ABCA13: variants seen among roughly 807,000 people sequenced by gnomAD.
The protein encoded by ABCA13 is ATP binding cassette subfamily A member 13, also known as ATP-binding cassette sub-family A member 13.
ABCA13 carries 476 observed loss-of-function variants against 478.7 expected under a neutral mutation model. The observed-to-expected ratio is 0.99, with a 90% CI of 0.92 to 1.07. ABCA13 has a LOEUF of 1.07. Among genes scored for constraint, ABCA13 ranks in the 50% least tolerant of loss-of-function variants. The pLI, the probability that ABCA13 is intolerant of heterozygous loss-of-function variation, is 0.00. For synonymous variants in ABCA13, 2,252 were observed against 2,158.9 expected (o/e 1.04, Z -1.20); for missense variants, 6,060 against 5,910.6 (o/e 1.03, Z -0.83).
At chr7:48,251,566 C>G (rs1792561726) in intron 15 of ABCA13, among the ~76,000 whole-genome samples, 2 of 152,012 alleles carry the variant, frequency 1.3e-5, no homozygotes, top group Admixed American at 1.3e-4. Flanking sequence ...TTGGACAGAC[C>G]CTTGCTGGGG....
At position 48,225,100 on chromosome 7, in the gene ABCA13, C is replaced by G. The variant is rs550251621; in HGVS notation, c.469-2162C>G. 5.3e-4 allele frequency among the ~76,000 whole-genome samples: 80 copies of G among 151,568 alleles called. No homozygotes were observed. The South Asian group carries it at 0.016, about 31-fold the overall frequency. ...TACTGGGATTATAGGCGTTAATCACCATGCGTGCGTGCCTGCCTGCCTGCC... is the reference window on the plus strand; with the variant it reads ...TACTGGGATTATAGGCGTTAATCACGATGCGTGCGTGCCTGCCTGCCTGCC... On this transcript the variant is annotated intron_variant, in intron 5 of 61. Transcript: ENST00000435803.
At chr7:48,487,970 A>G (rs573044484) in intron 47 of ABCA13, among the ~76,000 whole-genome samples, 2 of 152,190 alleles carry the variant, frequency 1.3e-5, no homozygotes, top group Non-Finnish European at 2.9e-5. Context: ...ATGTTGCTGT[A>G]GTTTTTTTGT....
chr7:48,349,188 G>A (rs1320150067), intron 29 of ABCA13, among the ~76,000 whole-genome samples: 2 of 152,172 alleles, frequency 1.3e-5, no homozygotes, highest in Non-Finnish European at 2.9e-5. Context: ...TAGATATTTA[G>A]CAAAAGCTTA....
chr7:48,489,472 A>G (rs1157801356), intron 48 of ABCA13, 128 bp downstream of exon 48: 9 of 726,294 alleles, frequency 1.2e-5, no homozygotes, highest in Middle Eastern at 2.5e-4. Context: ...TTGGCAACCA[A>G]TCCGTGTCTA....
At chr7:48,609,225 T>A (rs1006196686) in intron 58 of ABCA13, among the ~76,000 whole-genome samples, 3 of 152,156 alleles carry the variant, frequency 2.0e-5, no homozygotes, top group African/African-American at 7.2e-5. Flanking sequence ...ATTTCTCATA[T>A]AATTATTAGA....
intron 41 of ABCA13, among the ~76,000 whole-genome samples, chr7:48,419,334 C>T (rs1246444727): frequency 6.6e-6 from 1 of 152,028 alleles, no homozygotes; most frequent in East Asian, 1.9e-4. Flanking sequence ...TGTACTTTAC[C>T]CATTCATATT....
chr7:48,644,510 T>C (rs753605762), intron 60 of ABCA13, 107 bp from the exon 61 acceptor site: 2 of 1,213,990 alleles, frequency 1.6e-6, no homozygotes, highest in Non-Finnish European at 2.3e-6. Context: ...TAAGTGTAGG[T>C]TGAGAAAACG....
intron 55 of ABCA13, among the ~76,000 whole-genome samples, chr7:48,543,652 A>C (rs1343909089): frequency 6.6e-6 from 1 of 151,794 alleles, no homozygotes; most frequent in Non-Finnish European, 1.5e-5. Context: ...AAAAATAAAA[A>C]ATAGGCATAA....
chr7:48,605,656 A>C (rs1791391877), intron 58 of ABCA13, among the ~76,000 whole-genome samples: 1 of 151,724 alleles, frequency 6.6e-6, no homozygotes. Flanking sequence ...TTTTTCCTTC[A>C]TTTCCACCTT....
chr7:48,587,113 T>A (rs1176157696), intron 56 of ABCA13, 41 bp from the exon 57 acceptor site: 7 of 1,610,302 alleles, frequency 4.3e-6, no homozygotes, highest in Non-Finnish European at 5.9e-6. Context: ...GTGGGCACTT[T>A]GGTGAATGCT....
In ABCA13 at chr7:48,278,320, A is replaced by C; in HGVS notation, c.7126A>C (p.Lys2376Gln). The C allele has an allele frequency of 1.9e-6, 3 of 1,612,802 alleles. No homozygotes were observed. Among genetic ancestry groups the C allele is most frequent in the Non-Finnish European group, 2.5e-6 (3 of 1,179,196 alleles). Residue 2376 changes from lysine to glutamine, a missense_variant, in exon 18 of 62, where the codon AAA (lysine) becomes CAA (glutamine). Physicochemically the swap from Lys to Gln is moderately conservative, Grantham distance 53 (BLOSUM62 1). Transcript: ENST00000435803. Reference sequence around the variant, plus strand: ...TGCCCTTCTCAGGGAAACTTCAATGAAAAATAAGACTGAAAATAATATAGA... The same window carrying C: ...TGCCCTTCTCAGGGAAACTTCAATGCAAAATAAGACTGAAAATAATATAGA... Reference protein sequence around the residue: ...FNALLRETSMKNKTENNIDFF... With the variant: ...FNALLRETSMQNKTENNIDFF...
chr7:48,593,414 T>C (rs1789966776), intron 57 of ABCA13, among the ~76,000 whole-genome samples: 2 of 151,946 alleles, frequency 1.3e-5, no homozygotes, highest in African/African-American at 4.8e-5. Flanking sequence ...CTTCCAACCA[T>C]CTCATTTTAT....
At chr7:48,353,598 A>G (rs1356033630) in intron 31 of ABCA13, among the ~76,000 whole-genome samples, 1 of 151,542 alleles carries the variant, frequency 6.6e-6, no homozygotes, top group Non-Finnish European at 1.5e-5. Flanking sequence ...CTGCCTCTCC[A>G]GGTGACTGGG....
At chr7:48,202,400 G>A (rs773400311) in intron 3 of ABCA13, among the ~76,000 whole-genome samples, 1 of 152,080 alleles carries the variant, frequency 6.6e-6, no homozygotes, top group Non-Finnish European at 1.5e-5. Flanking sequence ...GCTAGATACA[G>A]AAGTGTCAAT....
At chr7:48,412,280 A>T in intron 40 of ABCA13, 73 bp from the exon 41 acceptor site, 1 of 1,154,374 alleles carries the variant, frequency 8.7e-7, no homozygotes, top group South Asian at 1.6e-5. Context: ...TTATGGATAT[A>T]CATGAAATCA....
chr7:48,480,555 T>C (rs1179281207), intron 45 of ABCA13, among the ~76,000 whole-genome samples: 1 of 152,162 alleles, frequency 6.6e-6, no homozygotes, highest in Non-Finnish European at 1.5e-5. Context: ...CCTCCTACCT[T>C]GTTAGGTGAT....
At chr7:48,625,350 G>A (rs1232311167) in intron 59 of ABCA13, among the ~76,000 whole-genome samples, 2 of 152,198 alleles carry the variant, frequency 1.3e-5, no homozygotes, top group African/African-American at 2.4e-5. Context: ...TCACAAATGG[G>A]GAAGGAAGTT....
intron 55 of ABCA13, among the ~76,000 whole-genome samples, chr7:48,566,455 A>T (rs1191316404): frequency 6.6e-6 from 1 of 152,176 alleles, no homozygotes; most frequent in Non-Finnish European, 1.5e-5. Context: ...ATTTTCTAAT[A>T]ATATCAATAT....
At chr7:48,256,799 G>A (rs1296908359) in intron 15 of ABCA13, among the ~76,000 whole-genome samples, 3 of 152,122 alleles carry the variant, frequency 2.0e-5, no homozygotes, top group Middle Eastern at 3.2e-3. Context: ...GGCTATTCGG[G>A]CACTTTTTTG....
Sources: allele counts gnomAD v4.1 joint callset (sites outside exome capture counted in the v4.1 genomes callset), GRCh38; gene constraint gnomAD v4.1.1; transcripts MANE v1.5; gene names NCBI Gene and HGNC (gene_info 2026-07-23, HGNC 2026-07-21).